The following DOP1A variants were observed in gnomAD, a reference collection of about 807,000 sequenced individuals.
DOP1A encodes the protein DOP1 leucine zipper like protein A.
In DOP1A, 90 loss-of-function variants were observed where a neutral mutation model predicts 267.6. That is an observed-to-expected ratio of 0.34 (90% CI 0.28 to 0.40). The LOEUF is 0.40. Ranked by LOEUF, DOP1A falls within the 10% of genes least tolerant of loss-of-function variation. DOP1A has a pLI of 1.00. For synonymous variants in DOP1A, 932 were observed against 999.1 expected, an observed-to-expected ratio of 0.93 and a Z score of 1.27; for missense variants, 2,437 against 2,900.4, an observed-to-expected ratio of 0.84 and a Z score of 3.67.
rs1038231185 is a variant in DOP1A, at chr6:83,138,663, A to G, written c.4621A>G (p.Lys1541Glu). 6.2e-7 allele frequency: 1 copy of G among 1,613,862 alleles called. No homozygotes were observed. The highest frequency in any genetic ancestry group is 8.5e-7 in the Non-Finnish European group (1 of 1,179,938). The change falls in exon 21 of 39, where the codon AAA becomes GAA. Residue 1541 changes from lysine (K) to glutamate (E), a missense_variant. This residue lies in a region of DOP1A where 878 missense variants were observed against 992.9 expected (regional missense o/e 0.88). Transcript: ENST00000349129. ...GCTGTCATCTATCTTTAGTGCTCAG[A>G]AATGGCATAGTGAAAAAATGGCAGG... ...CLLSSIFSAQ[K>E]WHSEKMAGKN...
At chr6:83,134,027 A>G (rs1428697570) in intron 18 of DOP1A, among the ~76,000 whole-genome samples, 160 bp from the exon 19 acceptor site, 1 of 152,102 alleles carries the variant, frequency 6.6e-6, no homozygotes, top group African/African-American at 2.4e-5. Flanking sequence ...CTGTGTTTCT[A>G]CTGCCATAAA....
intron 3 of DOP1A, among the ~76,000 whole-genome samples, chr6:83,098,841 G>C (rs1207572390): frequency 6.6e-6 from 1 of 152,190 alleles, no homozygotes; most frequent in Non-Finnish European, 1.5e-5. Flanking sequence ...AAGATATGAT[G>C]TAATACTAAC....
intron 1 of DOP1A, among the ~76,000 whole-genome samples, chr6:83,071,369 G>GC (rs1359373586): frequency 6.6e-6 from 1 of 152,026 alleles, no homozygotes; most frequent in Admixed American, 6.6e-5. Flanking sequence ...ATCACACCGG[G>GC]CTAACTTTTG....
chr6:83,069,170 C>T (rs898706249), intron 1 of DOP1A, among the ~76,000 whole-genome samples: 3 of 152,116 alleles, frequency 2.0e-5, no homozygotes, highest in Non-Finnish European at 4.4e-5. Context: ...CTCCAGGCTT[C>T]GGTTTTGTCA....
At chr6:83,132,409 T>C (rs1034602043) in intron 18 of DOP1A, 81 bp downstream of exon 18, 2 of 1,408,550 alleles carry the variant, frequency 1.4e-6, no homozygotes, top group East Asian at 2.3e-5. Context: ...AAGAAAACTT[T>C]AGGGAAATTA....
intron 15 of DOP1A, among the ~76,000 whole-genome samples, chr6:83,125,990 G>A (rs1467741607): frequency 6.6e-6 from 1 of 151,812 alleles, no homozygotes. Context: ...TAAAAAGCAG[G>A]TAAAGTTAAT....
chr6:83,089,035 T>TAATTTATATTC (rs1200649368), intron 1 of DOP1A, among the ~76,000 whole-genome samples: 1 of 152,228 alleles, frequency 6.6e-6, no homozygotes, highest in African/African-American at 2.4e-5. Context: ...AATAATTCAT[T>TAATTTATATTC]AATTTATATT....
chr6:83,160,947 C>T (rs1015284576), intron 37 of DOP1A, among the ~76,000 whole-genome samples: 1 of 151,718 alleles, frequency 6.6e-6, no homozygotes, highest in African/African-American at 2.4e-5. Context: ...ATTCTAGTTC[C>T]TTTAATTTTC....
intron 37 of DOP1A, among the ~76,000 whole-genome samples, chr6:83,161,421 A>G (rs1365011738): frequency 6.6e-6 from 1 of 152,180 alleles, no homozygotes; most frequent in East Asian, 1.9e-4. Flanking sequence ...TACTGTATAT[A>G]AATTTAAAAG....
At chr6:83,097,863 T>A (rs1031628387) in intron 3 of DOP1A, among the ~76,000 whole-genome samples, 1 of 145,974 alleles carries the variant, frequency 6.9e-6, no homozygotes, top group South Asian at 2.1e-4. Flanking sequence ...TTATTTTATT[T>A]TATTATTTTA....
chr6:83,123,530 C>G (rs1200914549), intron 12 of DOP1A, among the ~76,000 whole-genome samples: 1 of 152,048 alleles, frequency 6.6e-6, no homozygotes, highest in Admixed American at 6.6e-5. Flanking sequence ...ATTAACCACT[C>G]AAGGCCCAGG....
chr6:83,106,419 G>T (rs1773613998), intron 4 of DOP1A, among the ~76,000 whole-genome samples: 1 of 151,992 alleles, frequency 6.6e-6, no homozygotes, highest in Non-Finnish European at 1.5e-5. Flanking sequence ...TAACAAGGAG[G>T]AAAAAAGGAA....
At position 83,147,230 on chromosome 6, in the gene DOP1A, T is replaced by G; in HGVS notation, c.5677-6T>G. The G allele has an allele frequency of 1.4e-6, 2 of 1,442,172 alleles. No individual in the cohort carries two copies. The highest frequency in any genetic ancestry group is 1.9e-6 in the Non-Finnish European group (2 of 1,051,298). The allele number at this position is 1,442,172 out of a possible 1,614,324, so 89.3% of individuals were successfully genotyped here. ...TCACTACAAAATTGATTTCTTTTAT[T>G]TATAGAAACATCTTTCTTTGGAAGT... On this transcript the variant is annotated splice_polypyrimidine_tract_variant and splice_region_variant and intron_variant, in intron 25 of 38. Transcript: ENST00000349129.
At position 83,138,193 on chromosome 6, in the gene DOP1A, C is replaced by T. The variant is rs1377081574; in HGVS notation, c.4151C>T (p.Ala1384Val). Residue 1384 changes from alanine (A) to valine (V), a missense_variant, in exon 21 of 39, where the codon GCT becomes GTT. Ala to Val is a moderately conservative substitution (Grantham distance 64). Around this residue, in one of 9 missense-constraint regions of DOP1A, gnomAD observed 878 missense variants for 992.9 expected, o/e 0.88. Coordinates refer to ENST00000349129, the MANE Select transcript of DOP1A (RefSeq NM_015018.4). Reference protein sequence around the residue: ...QLYDSSRTLYAFSAIKAILKT... With the variant: ...QLYDSSRTLYVFSAIKAILKT... The stretch of plus-strand genomic sequence containing the variant: ...TATGATTCATCCAGGACTTTGTATG[C>T]TTTCTCTGCCATCAAAGCCATCTTG... 6.2e-7 allele frequency: 1 copy of T among 1,613,796 alleles called. No individual in the cohort carries two copies. Among genetic ancestry groups the T allele is most frequent in the South Asian group, 1.1e-5 (1 of 91,068 alleles).
At position 83,152,280 on chromosome 6, in the gene DOP1A, A is replaced by T; in HGVS notation, c.6050-8A>T. The T allele has an allele frequency of 6.5e-7, 1 of 1,528,224 alleles. No individual in the cohort carries two copies. Among genetic ancestry groups the T allele is most frequent in the Non-Finnish European group, 8.9e-7 (1 of 1,126,566 alleles). The allele number at this position is 1,528,224 out of a possible 1,614,324, so 94.7% of individuals were successfully genotyped here. Reference sequence around the variant, plus strand: ...TTAGCCATATCTTTAATTTTCTCTTATTTATAGATATGTTATCACCTGCAA... The same window carrying T: ...TTAGCCATATCTTTAATTTTCTCTTTTTTATAGATATGTTATCACCTGCAA... On this transcript the variant is annotated splice_polypyrimidine_tract_variant and splice_region_variant and intron_variant, in intron 29 of 38. Transcript: ENST00000349129.
chr6:83,152,914 G>A (rs112041272), intron 30 of DOP1A, among the ~76,000 whole-genome samples: 216 of 152,196 alleles, frequency 1.4e-3, no homozygotes, highest in African/African-American at 4.1e-3. Flanking sequence ...CACCGCGCCC[G>A]GCCTGGGGAG....
chr6:83,127,188 G>A (rs983782263), intron 15 of DOP1A, among the ~76,000 whole-genome samples: 2 of 152,124 alleles, frequency 1.3e-5, no homozygotes, highest in African/African-American at 2.4e-5. Context: ...ATAATGGCTC[G>A]TAATATTTAG....
In DOP1A at chr6:83,140,395, G is replaced by A; in HGVS notation, c.5407G>A (p.Ala1803Thr). ...SASLTTINLG[A>T]TKNLRQQILE... ...ATCTCTTACCACTATTAATCTTGGA[G>A]CTACAAAGGTTAGACAATTCATATT... Residue 1803 changes from alanine (A) to threonine (T), a missense_variant, in exon 23 of 39, where the codon GCT becomes ACT. This residue lies in a region of DOP1A where 307 missense variants were observed against 308.6 expected (regional missense o/e 0.99). Transcript: ENST00000349129. 2 of 1,605,350 alleles carry A rather than the reference G, an allele frequency of 1.2e-6. 1 individual carries two copies. The highest frequency in any genetic ancestry group is 3.3e-4 in the Middle Eastern group (2 of 6,030).
chr6:83,091,288 T>C (rs918305637), intron 1 of DOP1A, among the ~76,000 whole-genome samples: 1 of 152,094 alleles, frequency 6.6e-6, no homozygotes, highest in Non-Finnish European at 1.5e-5. Flanking sequence ...AGCCAAACCA[T>C]ATCAACCATC....
Sources: gnomAD v4.1 joint callset for allele counts (sites outside exome capture counted in the v4.1 genomes callset) on GRCh38, gnomAD v4.1.1 for gene constraint, gnomAD v4.1.1 regional missense constraint, MANE v1.5 for transcripts, NCBI Gene and HGNC (gene_info 2026-07-23, HGNC 2026-07-21) for gene names.